NRXN3: variants seen among roughly 807,000 people sequenced by gnomAD.
NRXN3 encodes neurexin III.
A neutral mutation model predicts 137.6 loss-of-function variants in NRXN3; 32 were observed. The ratio of observed to expected loss-of-function variants is 0.23; its 90% confidence interval spans 0.18 to 0.31. The LOEUF (loss-of-function observed/expected upper bound fraction) is 0.31. Ranked by LOEUF, NRXN3 falls within the 10% of genes least tolerant of loss-of-function variation. The probability of loss-of-function intolerance (pLI) is 1.00; values close to 1 mark genes in which losing one functional copy is unlikely to be tolerated. For missense variants in NRXN3, 1,574 were observed against 2,062.5 expected, an observed-to-expected ratio of 0.76 and a Z score of 4.59; for synonymous variants, 798 against 784.5, an observed-to-expected ratio of 1.02 and a Z score of -0.29.
intron 16 of NRXN3, among the ~76,000 whole-genome samples, chr14:79,613,035 A>G (rs1186367473): frequency 6.6e-6 from 1 of 152,226 alleles, no homozygotes; most frequent in East Asian, 1.9e-4. Context: ...TGAGTGGCAG[A>G]TACAGAAAGA....
chr14:79,202,588 G>A (rs1225401890), intron 15 of NRXN3, among the ~76,000 whole-genome samples: 2 of 151,916 alleles, frequency 1.3e-5, no homozygotes, highest in South Asian at 2.1e-4. Flanking sequence ...ATACCTTTGC[G>A]TCCTCATAGC....
chr14:78,592,945 G>A (rs1225029689), intron 4 of NRXN3, among the ~76,000 whole-genome samples: 1 of 152,192 alleles, frequency 6.6e-6, no homozygotes, highest in Non-Finnish European at 1.5e-5. Context: ...GGAAAGATCT[G>A]GGAGGCTGAG....
At chr14:78,805,852 G>A (rs2098863283) in intron 9 of NRXN3, among the ~76,000 whole-genome samples, 1 of 152,052 alleles carries the variant, frequency 6.6e-6, no homozygotes, top group Non-Finnish European at 1.5e-5. Context: ...AGGAAAAACT[G>A]GGGTCAGTGG....
At chr14:79,336,132 C>T (rs1267929873) in intron 15 of NRXN3, among the ~76,000 whole-genome samples, 1 of 152,008 alleles carries the variant, frequency 6.6e-6, no homozygotes, top group Non-Finnish European at 1.5e-5. Flanking sequence ...GAAGAGGTTT[C>T]CAAAAACAAT....
intron 15 of NRXN3, among the ~76,000 whole-genome samples, chr14:79,238,775 G>T (rs2153331745): frequency 6.6e-6 from 1 of 152,174 alleles, no homozygotes; most frequent in African/African-American, 2.4e-5. Context: ...TTCATGTTGT[G>T]TTTCCATTAT....
intron 1 of NRXN3, among the ~76,000 whole-genome samples, chr14:78,211,773 A>G (rs775590568): frequency 2.6e-5 from 4 of 152,238 alleles, no homozygotes; most frequent in Non-Finnish European, 5.9e-5. Flanking sequence ...GAGGGAGGGC[A>G]GACAGGGTCA....
chr14:79,535,426 A>C, intron 16 of NRXN3, among the ~76,000 whole-genome samples: 1 of 152,080 alleles, frequency 6.6e-6, no homozygotes, highest in East Asian at 1.9e-4. Context: ...CATTATTGAA[A>C]CCTCCAGAGT....
chr14:79,517,105 C>G (rs2096997290), intron 16 of NRXN3, among the ~76,000 whole-genome samples: 2 of 139,756 alleles, frequency 1.4e-5, no homozygotes, highest in Admixed American at 1.5e-4. Flanking sequence ...CCCCCCCCCT[C>G]AACGAATGGG....
chr14:78,684,143 A>G (rs2098104143), intron 6 of NRXN3, among the ~76,000 whole-genome samples: 1 of 152,074 alleles, frequency 6.6e-6, no homozygotes, highest in Non-Finnish European at 1.5e-5. Flanking sequence ...TATTAACCAT[A>G]CTTATCTTGG....
intron 19 of NRXN3, among the ~76,000 whole-genome samples, chr14:79,737,224 G>T (rs2098945173): frequency 1.3e-5 from 2 of 152,158 alleles, no homozygotes; most frequent in African/African-American, 2.4e-5. Flanking sequence ...CCCATGGGTT[G>T]TCCACTTTGT....
At chr14:79,025,769 CA>C (rs2099597017) in intron 15 of NRXN3, among the ~76,000 whole-genome samples, 1 of 152,130 alleles carries the variant, frequency 6.6e-6, no homozygotes, top group South Asian at 2.1e-4. Flanking sequence ...GAAAACACAA[CA>C]AATGTTGACT....
intron 15 of NRXN3, among the ~76,000 whole-genome samples, chr14:79,059,525 G>A (rs906274265): frequency 4.6e-5 from 7 of 152,122 alleles, no homozygotes; most frequent in Admixed American, 1.3e-4. Flanking sequence ...CCAAAGTGCT[G>A]GGATTACAGG....
At chr14:79,509,515 C>CA (rs1331612736) in intron 16 of NRXN3, among the ~76,000 whole-genome samples, 3 of 141,554 alleles carry the variant, frequency 2.1e-5, no homozygotes, top group Middle Eastern at 3.6e-3. Flanking sequence ...GGCTCTGTCT[C>CA]AAAAAAATAT....
intron 15 of NRXN3, among the ~76,000 whole-genome samples, chr14:79,300,889 A>G (rs1838230760): frequency 6.6e-6 from 1 of 152,034 alleles, no homozygotes; most frequent in Non-Finnish European, 1.5e-5. Flanking sequence ...CACAGAAAAT[A>G]AAGATTTGGG....
intron 4 of NRXN3, among the ~76,000 whole-genome samples, chr14:78,534,646 T>C (rs373662631): frequency 2.0e-5 from 3 of 152,224 alleles, no homozygotes; most frequent in African/African-American, 7.2e-5. Context: ...AGTCTCTCTC[T>C]TTCTCTTTTA....
chr14:79,371,351 A>G (rs1566937691), intron 15 of NRXN3, among the ~76,000 whole-genome samples: 2 of 152,180 alleles, frequency 1.3e-5, no homozygotes, highest in African/African-American at 4.8e-5. Context: ...CTTCTGGCAG[A>G]CAGTAGGCTA....
chr14:78,882,825 A>T (rs1331221295), intron 10 of NRXN3, among the ~76,000 whole-genome samples: 1 of 151,552 alleles, frequency 6.6e-6, no homozygotes, highest in Admixed American at 6.6e-5. Context: ...GTGAGGGGCC[A>T]GGGGCAGAAT....
At chr14:78,263,424 T>C (rs2071116711) in intron 2 of NRXN3, among the ~76,000 whole-genome samples, 1 of 152,236 alleles carries the variant, frequency 6.6e-6, no homozygotes, top group Non-Finnish European at 1.5e-5. Context: ...GTTTTGACCC[T>C]GAGGCCCTTT....
chr14:79,426,511 A>T (rs2095656999), intron 15 of NRXN3, among the ~76,000 whole-genome samples: 1 of 152,208 alleles, frequency 6.6e-6, no homozygotes, highest in Non-Finnish European at 1.5e-5. Context: ...TGTGCAGGAG[A>T]TTATTACTGT....
Sources: gnomAD v4.1 joint callset for allele counts (sites outside exome capture counted in the v4.1 genomes callset) on GRCh38, gnomAD v4.1.1 for gene constraint, MANE v1.5 for transcripts, NCBI Gene and HGNC (gene_info 2026-07-23, HGNC 2026-07-21) for gene names.